RHBDD1: variants seen among roughly 807,000 people sequenced by gnomAD.
RHBDD1 encodes the protein rhomboid domain containing 1, also known as rhomboid-related protein 4.
A neutral mutation model predicts 36.3 loss-of-function variants in RHBDD1; 38 were observed. The observed-to-expected ratio is 1.05, with a 90% CI of 0.81 to 1.37. RHBDD1 has a LOEUF of 1.37. Ranked by LOEUF, RHBDD1 falls within the 40% of genes most tolerant of loss-of-function variation. The pLI, the probability that RHBDD1 is intolerant of heterozygous loss-of-function variation, is 0.00. For synonymous variants in RHBDD1, 151 were observed against 136.5 expected, an observed-to-expected ratio of 1.11 and a Z score of -0.74; for missense variants, 393 against 377.6, an observed-to-expected ratio of 1.04 and a Z score of -0.34.
Position 226,988,540 on chromosome 2 carries a change from C to T in RHBDD1, c.857-6891C>T, listed in dbSNP as rs529667854. The T allele has an allele frequency of 2.1e-6, 3 of 1,448,798 alleles. No homozygotes were observed. The Admixed American group carries it at 8.1e-5, about 39-fold the overall frequency. 89.7% of individuals were successfully genotyped at this position (1,448,798 alleles called of 1,614,324 possible). A position where few individuals can be genotyped will look rare whatever the true frequency, so the allele number is the denominator to read the frequency against. On this transcript the variant is annotated intron_variant, in intron 8 of 8. Coordinates refer to ENST00000392062, the MANE Select transcript of RHBDD1 (RefSeq NM_001167608.3). ...TAGCAGCTGCCCGCACTGTGCCAGG[C>T]TGGCCCTCTCTGCGGACTGGTGTGG...
intron 3 of RHBDD1, among the ~76,000 whole-genome samples, chr2:226,858,132 G>A (rs981124432): frequency 2.0e-5 from 3 of 152,160 alleles, no homozygotes; most frequent in Admixed American, 6.5e-5. Flanking sequence ...TACTGAGTTT[G>A]AGTGATAAGA....
chr2:226,995,332 A>T (rs1255728207), intron 8 of RHBDD1, 99 bp from the exon 9 acceptor site: 2 of 721,476 alleles, frequency 2.8e-6, no homozygotes, highest in Non-Finnish European at 4.9e-6. Flanking sequence ...TAAAATGAAG[A>T]TGACACCCAA....
chr2:226,863,373 A>G (rs1250231555), intron 3 of RHBDD1, among the ~76,000 whole-genome samples: 1 of 152,178 alleles, frequency 6.6e-6, no homozygotes, highest in African/African-American at 2.4e-5. Flanking sequence ...TTCATTCAAC[A>G]TGAGGTTTTG....
intron 8 of RHBDD1, among the ~76,000 whole-genome samples, chr2:226,931,567 T>C (rs1445856756): frequency 6.6e-6 from 1 of 152,022 alleles, no homozygotes; most frequent in Non-Finnish European, 1.5e-5. Flanking sequence ...GGGTGATGAG[T>C]GCACTAAAAT....
intron 8 of RHBDD1, chr2:226,942,398 C>T (rs551126297): frequency 3.5e-4 from 61 of 175,656 alleles, no homozygotes; most frequent in Non-Finnish European, 6.5e-4. Context: ...CGCCACCACA[C>T]CCGGCTAATT....
chr2:226,996,724 C>T lies in RHBDD1; in HGVS notation c.*1202C>T, dbSNP rs908859355. 2 of 152,148 alleles carry T rather than the reference C, an allele frequency of 1.3e-5. No homozygotes were observed. The highest frequency in any genetic ancestry group is 3.8e-4 in the East Asian group (2 of 5,200). 9.4% of individuals were successfully genotyped at this position (152,148 alleles called of 1,614,324 possible). A position where few individuals can be genotyped will look rare whatever the true frequency, so the allele number is the denominator to read the frequency against. On this transcript the variant is annotated 3_prime_UTR_variant, in exon 9 of 9. Coordinates refer to ENST00000392062, the MANE Select transcript of RHBDD1 (RefSeq NM_001167608.3). ...AGGGGTTATCTTTGGGAGTGGAGTA[C>T]ATGGGATTTTGCTTTCTTCATTTTT...
Position 226,996,988 on chromosome 2 carries a change from AT to A in RHBDD1, c.*1467del, listed in dbSNP as rs1449763859. 6.6e-6 allele frequency: 1 copy of A among 152,170 alleles called. No homozygotes were observed. Among genetic ancestry groups the A allele is most frequent in the African/African-American group, 2.4e-5 (1 of 41,438 alleles). The allele number at this position is 152,170 out of a possible 1,614,324, so 9.4% of individuals were successfully genotyped here. A position where few individuals can be genotyped will look rare whatever the true frequency, so the allele number is the denominator to read the frequency against. ...GTTAACATTTTGGTGGTATTGTCTTATCAATTTTTCCGTTGATACATTCAGC... is the reference window on the plus strand; with the variant it reads ...GTTAACATTTTGGTGGTATTGTCTTACAATTTTTCCGTTGATACATTCAGC... On this transcript the variant is annotated 3_prime_UTR_variant, in exon 9 of 9. Transcript: ENST00000392062.
At chr2:226,983,831 C>T (rs1559346302) in intron 8 of RHBDD1, among the ~76,000 whole-genome samples, 1 of 152,172 alleles carries the variant, frequency 6.6e-6, no homozygotes. Context: ...TGGTTTGAAA[C>T]TCAAGTGGAA....
intron 8 of RHBDD1, among the ~76,000 whole-genome samples, chr2:226,951,973 C>T (rs1467061846): frequency 1.3e-5 from 2 of 152,146 alleles, no homozygotes; most frequent in Admixed American, 6.5e-5. Context: ...TGGTTGTTCT[C>T]AACCCTGGCT....
chr2:226,811,672 G>C, the RHBDD1 span, among the ~76,000 whole-genome samples: 1 of 152,152 alleles, frequency 6.6e-6, no homozygotes, highest in Non-Finnish European at 1.5e-5. Context: ...GTGTAATTCT[G>C]GCTCCTTGAA....
chr2:226,817,336 C>T, the RHBDD1 span, among the ~76,000 whole-genome samples: 2 of 152,304 alleles, frequency 1.3e-5, no homozygotes, highest in East Asian at 3.9e-4. Context: ...TTGTTCAGTT[C>T]AGTCACAGAC....
chr2:226,833,343 C>T (rs150201555), upstream of RHBDD1, among the ~76,000 whole-genome samples: 398 of 152,308 alleles, frequency 2.6e-3, 5 homozygotes, highest in African/African-American at 8.9e-3. Context: ...ATTTGTTGCA[C>T]GCTGTCGTTG....
intron 3 of RHBDD1, among the ~76,000 whole-genome samples, chr2:226,858,231 C>T (rs1943519253): frequency 6.6e-6 from 1 of 152,148 alleles, no homozygotes; most frequent in South Asian, 2.1e-4. Context: ...TTAAATGAAA[C>T]TTACCAAAGG....
intron 5 of RHBDD1, among the ~76,000 whole-genome samples, chr2:226,873,055 C>T (rs1176353591): frequency 1.3e-5 from 2 of 152,166 alleles, no homozygotes; most frequent in Non-Finnish European, 2.9e-5. Flanking sequence ...GACACTGGTC[C>T]TGATTCCAGC....
intron 5 of RHBDD1, among the ~76,000 whole-genome samples, chr2:226,902,748 A>T (rs918610672): frequency 7.9e-5 from 12 of 152,220 alleles, no homozygotes; most frequent in Non-Finnish European, 1.8e-4. Flanking sequence ...TTTGTGGAAA[A>T]TGCTGAATGT....
At chr2:226,851,916 T>G (rs546155068) in intron 3 of RHBDD1, among the ~76,000 whole-genome samples, 1 of 152,158 alleles carries the variant, frequency 6.6e-6, no homozygotes, top group Non-Finnish European at 1.5e-5. Flanking sequence ...TTTGTTGCGG[T>G]GGTGTTGGTG....
chr2:226,819,075 C>T, the RHBDD1 span, among the ~76,000 whole-genome samples: 4 of 152,148 alleles, frequency 2.6e-5, no homozygotes, highest in African/African-American at 7.2e-5. Context: ...CCACTTGACT[C>T]GTTTATATCA....
intron 5 of RHBDD1, among the ~76,000 whole-genome samples, chr2:226,869,840 A>G (rs1213638804): frequency 6.6e-6 from 1 of 152,118 alleles, no homozygotes; most frequent in Non-Finnish European, 1.5e-5. Context: ...CTGATAGGTG[A>G]TAGTGTCTGA....
chr2:226,815,414 T>C, the RHBDD1 span, among the ~76,000 whole-genome samples: 1 of 152,210 alleles, frequency 6.6e-6, no homozygotes, highest in Non-Finnish European at 1.5e-5. Context: ...TTTTATGTAG[T>C]TTGGAGATTC....
Sources: gnomAD v4.1 joint callset for allele counts (sites outside exome capture counted in the v4.1 genomes callset) on GRCh38, gnomAD v4.1.1 for gene constraint, MANE v1.5 for transcripts, NCBI Gene and HGNC (gene_info 2026-07-23, HGNC 2026-07-21) for gene names.